Variants in BTBD9 observed in about 807,000 individuals in gnomAD.
BTBD9 encodes the protein BTB domain containing 9.
In BTBD9, 49 loss-of-function variants were observed where a neutral mutation model predicts 64.3. That is an observed-to-expected ratio of 0.76 (90% confidence interval 0.61 to 0.97). BTBD9 has a LOEUF of 0.97. Ranked by LOEUF, BTBD9 falls within the 50% of genes least tolerant of loss-of-function variation. The pLI is 0.00. For synonymous variants in BTBD9, 260 were observed against 274.7 expected (o/e 0.95, Z 0.53); for missense variants, 598 against 762.1 (o/e 0.78, Z 2.53).
intron 6 of BTBD9, among the ~76,000 whole-genome samples, chr6:38,386,760 C>T (rs959650638): frequency 2.0e-5 from 3 of 151,278 alleles, no homozygotes; most frequent in African/African-American, 4.9e-5. Flanking sequence ...CTCCCACCTC[C>T]GCCTCCCAAG....
At chr6:38,188,457 GC>G (rs1405824313) in intron 10 of BTBD9, among the ~76,000 whole-genome samples, 2 of 152,234 alleles carry the variant, frequency 1.3e-5, no homozygotes, top group Admixed American at 6.5e-5. Flanking sequence ...CAGAAGACAG[GC>G]CTACCTGGGC....
intron 6 of BTBD9, among the ~76,000 whole-genome samples, chr6:38,359,733 C>T (rs1172748016): frequency 1.3e-5 from 2 of 152,086 alleles, no homozygotes; most frequent in Non-Finnish European, 2.9e-5. Flanking sequence ...GTTGAACCAG[C>T]CAATTTTTCT....
At chr6:38,470,134 T>C (rs1255761281) in intron 6 of BTBD9, among the ~76,000 whole-genome samples, 1 of 152,222 alleles carries the variant, frequency 6.6e-6, no homozygotes, top group East Asian at 1.9e-4. Flanking sequence ...ATTAAAGACA[T>C]AAATATGTTT....
At chr6:38,264,359 G>C (rs1211678886) in intron 8 of BTBD9, among the ~76,000 whole-genome samples, 1 of 152,158 alleles carries the variant, frequency 6.6e-6, no homozygotes, top group African/African-American at 2.4e-5. Context: ...AACAGAGAGA[G>C]ACTGGAGGTC....
At chr6:38,474,871 A>T (rs6941817) in intron 6 of BTBD9, among the ~76,000 whole-genome samples, 10,595 of 152,222 alleles carry the variant, frequency 0.07, 718 homozygotes, top group African/African-American at 0.17. Flanking sequence ...TTAAACTCCA[A>T]ATGAAAGTAA....
chr6:38,439,190 A>C (rs1387440432), intron 6 of BTBD9, among the ~76,000 whole-genome samples: 1 of 137,360 alleles, frequency 7.3e-6, no homozygotes, highest in Non-Finnish European at 1.5e-5. Flanking sequence ...GGACAATCTC[A>C]GCAGCTCACT....
intron 6 of BTBD9, among the ~76,000 whole-genome samples, chr6:38,529,972 G>A (rs1026985240): frequency 3.2e-4 from 49 of 152,292 alleles, no homozygotes; most frequent in African/African-American, 1.1e-3. Flanking sequence ...ATAAACGGAC[G>A]TGTAAGTAGG....
intron 7 of BTBD9, among the ~76,000 whole-genome samples, chr6:38,304,978 C>CA (rs1762572739): frequency 6.8e-6 from 1 of 146,146 alleles, no homozygotes; most frequent in East Asian, 2.0e-4. Flanking sequence ...AGGGCAGGAA[C>CA]TTTTTTTTTT....
chr6:38,499,127 G>A (rs990509238), intron 6 of BTBD9, among the ~76,000 whole-genome samples: 4 of 151,046 alleles, frequency 2.6e-5, no homozygotes, highest in African/African-American at 9.7e-5. Context: ...ATTTTGACAG[G>A]AGGTTAAGCA....
intron 9 of BTBD9, among the ~76,000 whole-genome samples, chr6:38,229,712 G>A (rs1447922973): frequency 6.6e-6 from 1 of 152,144 alleles, no homozygotes; most frequent in Non-Finnish European, 1.5e-5. Flanking sequence ...TCTCAAGCTT[G>A]ACTGCTCCCA....
intron 8 of BTBD9, among the ~76,000 whole-genome samples, chr6:38,272,172 C>T (rs1294908102): frequency 6.6e-6 from 1 of 152,030 alleles, no homozygotes; most frequent in Non-Finnish European, 1.5e-5. Context: ...GAAGAAATTA[C>T]AGAGACATTT....
At chr6:38,530,924 T>C (rs954260357) in intron 6 of BTBD9, among the ~76,000 whole-genome samples, 1 of 152,004 alleles carries the variant, frequency 6.6e-6, no homozygotes, top group Non-Finnish European at 1.5e-5. Flanking sequence ...TTTGAAAGTA[T>C]ACAATCAAAG....
intron 6 of BTBD9, among the ~76,000 whole-genome samples, chr6:38,493,880 C>G (rs977286529): frequency 1.3e-5 from 2 of 152,104 alleles, no homozygotes; most frequent in African/African-American, 2.4e-5. Context: ...CCAATGTTAA[C>G]AGTATATTAT....
intron 7 of BTBD9, among the ~76,000 whole-genome samples, chr6:38,311,703 G>A (rs1762842497): frequency 6.6e-6 from 1 of 152,166 alleles, no homozygotes; most frequent in African/African-American, 2.4e-5. Flanking sequence ...CGCCAACAGT[G>A]TACAAGGGTT....
intron 8 of BTBD9, among the ~76,000 whole-genome samples, chr6:38,260,887 A>C (rs1166392105): frequency 2.6e-5 from 4 of 152,154 alleles, no homozygotes; most frequent in Non-Finnish European, 4.4e-5. Context: ...TTATTTAATC[A>C]ATCTATTATT....
At chr6:38,197,767 T>G (rs1476160876) in intron 9 of BTBD9, among the ~76,000 whole-genome samples, 5 of 152,126 alleles carry the variant, frequency 3.3e-5, no homozygotes, top group Admixed American at 2.0e-4. Context: ...AAAAGATCAG[T>G]ATGGAAAAAG....
In BTBD9 at chr6:38,360,310, C is replaced by T. The variant is rs555505451; in HGVS notation, c.1155-15217G>A. Among the ~76,000 whole-genome samples the T allele has an allele frequency of 1.1e-3, 163 of 152,116 alleles. 1 individual carries two copies. Among genetic ancestry groups the T allele is most frequent in the African/African-American group, 3.7e-3 (155 of 41,516 alleles). On this transcript the variant is annotated intron_variant, in intron 6 of 10. Coordinates refer to ENST00000481247, the MANE Select transcript of BTBD9 (RefSeq NM_001099272.2). ...ATACTAAGTGCTCAATAAATGGTAC[C>T]TAGCATATAGTAGGTACTCAAAAAT...
rs938718441 is a variant in BTBD9 at position 38,169,801 on chromosome 6, C to T, written c.*5184G>A. The T allele has an allele frequency of 2.0e-5, 3 of 146,914 alleles. No individual in the cohort carries two copies. The highest frequency in any genetic ancestry group is 2.1e-4 in the East Asian group (1 of 4,848). The allele number at this position is 146,914 out of a possible 1,614,324, so 9.1% of individuals were successfully genotyped here. The stretch of plus-strand genomic sequence containing the variant: ...ATTCAGGGCTATAAATACTCACGGA[C>T]GCAAATGGTAAATGCTCCCAGACAT... On this transcript the variant is annotated 3_prime_UTR_variant, in exon 11 of 11. Coordinates refer to ENST00000481247, the MANE Select transcript of BTBD9 (RefSeq NM_001099272.2).
At chr6:38,290,693 A>T (rs1761922090) in intron 7 of BTBD9, among the ~76,000 whole-genome samples, 1 of 151,522 alleles carries the variant, frequency 6.6e-6, no homozygotes, top group Non-Finnish European at 1.5e-5. Context: ...GGCTCTTAAA[A>T]CTCTTCCCCA....
Sources: allele counts gnomAD v4.1 joint callset (sites outside exome capture counted in the v4.1 genomes callset), GRCh38; gene constraint gnomAD v4.1.1; transcripts MANE v1.5; gene names NCBI Gene and HGNC (gene_info 2026-07-23, HGNC 2026-07-21).